Variants in UBE2G1 observed in about 807,000 individuals in gnomAD.
UBE2G1 encodes ubiquitin-conjugating enzyme E2 G1.
A neutral mutation model predicts 22.7 loss-of-function variants in UBE2G1; 5 were observed. That is an observed-to-expected ratio of 0.22 (90% CI 0.12 to 0.46). The LOEUF (loss-of-function observed/expected upper bound fraction) is 0.46. UBE2G1 is among the 20% of genes least tolerant of loss of function. The pLI, the probability that UBE2G1 is intolerant of heterozygous loss-of-function variation, is 0.99. For synonymous variants in UBE2G1, 74 were observed against 67.5 expected (o/e 1.10, Z -0.47); for missense variants, 88 against 203.9 (o/e 0.43, Z 3.46).
At chr17:4,319,499 G>T (rs1383182015) in intron 1 of UBE2G1, among the ~76,000 whole-genome samples, 1 of 152,116 alleles carries the variant, frequency 6.6e-6, no homozygotes, top group Non-Finnish European at 1.5e-5. Context: ...ACTTTGGGAG[G>T]CCCAGGCAAG....
At chr17:4,340,774 T>C (rs1314278854) in intron 1 of UBE2G1, among the ~76,000 whole-genome samples, 2 of 151,950 alleles carry the variant, frequency 1.3e-5, no homozygotes, top group Non-Finnish European at 2.9e-5. Context: ...ACTATTTTTT[T>C]TTATTTTTTC....
chr17:4,276,558 G>A (rs189932250), intron 5 of UBE2G1, among the ~76,000 whole-genome samples: 4 of 152,230 alleles, frequency 2.6e-5, no homozygotes, highest in Middle Eastern at 3.4e-3. Flanking sequence ...TGTATCTATC[G>A]CATTCTATGT....
At chr17:4,331,576 G>A (rs890684639) in intron 1 of UBE2G1, among the ~76,000 whole-genome samples, 1 of 152,164 alleles carries the variant, frequency 6.6e-6, no homozygotes, top group African/African-American at 2.4e-5. Flanking sequence ...CAAGGTGTCA[G>A]TGCGGGCACA....
chr17:4,271,554 T>C lies in UBE2G1; in HGVS notation c.*1000A>G, dbSNP rs1330995114. ...CAATAGGTGAGAAAAATCTGCAGTA[T>C]AGAAGAATAGAGGCAGAGAAATATG... is the stretch of plus-strand genomic sequence containing the variant. On this transcript the variant is annotated 3_prime_UTR_variant, in exon 6 of 6. Transcript: ENST00000396981. 3 of 150,282 alleles carry C rather than the reference T, an allele frequency of 2.0e-5. No individual in the cohort carries two copies. The highest frequency in any genetic ancestry group is 6.7e-5 in the Admixed American group (1 of 14,904). The allele number at this position is 150,282 out of a possible 1,614,324, so 9.3% of individuals were successfully genotyped here. A position where few individuals can be genotyped will look rare whatever the true frequency, so the allele number is the denominator to read the frequency against.
chr17:4,281,202 T>C (rs1232501967), intron 5 of UBE2G1, among the ~76,000 whole-genome samples: 2 of 152,172 alleles, frequency 1.3e-5, no homozygotes. Context: ...ATTTACCCAG[T>C]GTAATAGCAC....
intron 1 of UBE2G1, among the ~76,000 whole-genome samples, chr17:4,337,613 AC>A (rs1969664320): frequency 6.6e-6 from 1 of 151,036 alleles, no homozygotes; most frequent in Non-Finnish European, 1.5e-5. Flanking sequence ...AAATCACGCC[AC>A]TGCACTCCAG....
chr17:4,347,234 T>C (rs78547249), intron 1 of UBE2G1, among the ~76,000 whole-genome samples: 5,592 of 152,158 alleles, frequency 0.037, 369 homozygotes, highest in African/African-American at 0.13. Context: ...GATTTCAGAT[T>C]TTGGAATATT....
intron 1 of UBE2G1, among the ~76,000 whole-genome samples, chr17:4,346,671 T>A (rs934882104): frequency 7.3e-5 from 11 of 150,890 alleles, no homozygotes; most frequent in African/African-American, 2.7e-4. Flanking sequence ...CCTGACCTCG[T>A]GATCCACCCG....
intron 5 of UBE2G1, among the ~76,000 whole-genome samples, chr17:4,280,571 A>T (rs1968876309): frequency 1.3e-5 from 2 of 151,490 alleles, no homozygotes; most frequent in African/African-American, 4.8e-5. Context: ...CTGGTCTTGT[A>T]AGTGATCTGC....
chr17:4,346,923 C>T (rs1451559329), intron 1 of UBE2G1, among the ~76,000 whole-genome samples: 3 of 151,706 alleles, frequency 2.0e-5, no homozygotes, highest in Non-Finnish European at 1.5e-5. Context: ...GAGACCAAGG[C>T]GGGCGGATCA....
chr17:4,294,991 G>A (rs1969092327), intron 3 of UBE2G1, among the ~76,000 whole-genome samples: 1 of 151,982 alleles, frequency 6.6e-6, no homozygotes. Context: ...GCAGAGTGGG[G>A]GAAGGAGAGA....
At chr17:4,355,283 GTGAGTCACTCTGGGATTACAGGCA>G (rs1467462155) in intron 1 of UBE2G1, among the ~76,000 whole-genome samples, 3 of 151,182 alleles carry the variant, frequency 2.0e-5, no homozygotes, top group African/African-American at 7.3e-5. Context: ...GATTACAGGC[GTGAGTCACTCTGGGATTACAGGCA>G]TGAGTCACTA....
intron 1 of UBE2G1, among the ~76,000 whole-genome samples, chr17:4,359,439 A>G (rs1053852452): frequency 6.6e-6 from 1 of 152,262 alleles, no homozygotes; most frequent in African/African-American, 2.4e-5. Flanking sequence ...CCGCTTACAA[A>G]AATTAACTTG....
chr17:4,361,857 G>A (rs1011210996), intron 1 of UBE2G1, among the ~76,000 whole-genome samples: 3 of 149,996 alleles, frequency 2.0e-5, no homozygotes, highest in African/African-American at 4.9e-5. Context: ...CACAAGAAAC[G>A]CTTGAACCCG....
intron 1 of UBE2G1, among the ~76,000 whole-genome samples, chr17:4,360,455 T>A (rs1367836257): frequency 6.6e-6 from 1 of 152,166 alleles, no homozygotes; most frequent in African/African-American, 2.4e-5. Flanking sequence ...CAATCAAACA[T>A]TCTTCACCTG....
chr17:4,361,321 G>C (rs368263821), intron 1 of UBE2G1, among the ~76,000 whole-genome samples: 2 of 151,952 alleles, frequency 1.3e-5, no homozygotes, highest in Non-Finnish European at 2.9e-5. Context: ...GAGGTCAGGA[G>C]TTCAAGACCA....
At chr17:4,326,788 C>T (rs1304335611) in intron 1 of UBE2G1, among the ~76,000 whole-genome samples, 2 of 152,192 alleles carry the variant, frequency 1.3e-5, no homozygotes, top group Admixed American at 6.5e-5. Flanking sequence ...CATTCTACAA[C>T]ATGAATGAAC....
chr17:4,327,262 A>G lies in UBE2G1; in HGVS notation c.47-20139T>C, dbSNP rs113380702. Among the ~76,000 whole-genome samples, 182 of 152,180 alleles carry G rather than the reference A, an allele frequency of 1.2e-3. 2 individuals carry two copies. The highest frequency in any genetic ancestry group is 4.2e-3 in the African/African-American group (173 of 41,536). ...CAGTGAGCCGAGATCGCGCCACTGC[A>G]CTCCAGCCTGGGTGACAGAGCAAGA... On this transcript the variant is annotated intron_variant, in intron 1 of 5. Transcript: ENST00000396981.
intron 1 of UBE2G1, among the ~76,000 whole-genome samples, chr17:4,345,183 A>T (rs574841392): frequency 1.3e-5 from 2 of 152,322 alleles, no homozygotes; most frequent in South Asian, 4.1e-4. Context: ...CTTAGTTTTC[A>T]TGACTTTTTT....
Sources: gnomAD v4.1 joint callset for allele counts (sites outside exome capture counted in the v4.1 genomes callset) on GRCh38, gnomAD v4.1.1 for gene constraint, MANE v1.5 for transcripts, NCBI Gene and HGNC (gene_info 2026-07-23, HGNC 2026-07-21) for gene names.